The following VCF1 variants were observed in gnomAD, a reference collection of about 807,000 sequenced individuals.
VCF1 encodes the protein VCP nuclear cofactor family member 1.
the VCF1 span, chr17:73,209,869 G>A: frequency 6.8e-7 from 1 of 1,479,458 alleles, no homozygotes; most frequent in Non-Finnish European, 9.0e-7. Flanking sequence ...TACCTTTCCA[G>A]TTCAGCTTGA....
chr17:73,221,518 T>C, the VCF1 span, among the ~76,000 whole-genome samples: 1 of 147,174 alleles, frequency 6.8e-6, no homozygotes, highest in Non-Finnish European at 1.5e-5. Context: ...ATCATTTCAC[T>C]TCTTGCTCAG....
chr17:73,232,103 G>A, the VCF1 span: 1 of 1,608,496 alleles, frequency 6.2e-7, no homozygotes, highest in Non-Finnish European at 8.5e-7. Flanking sequence ...GGAGGCGCTC[G>A]CTCATGGCAG....
chr17:73,227,522 T>C, the VCF1 span: 1 of 704,300 alleles, frequency 1.4e-6, no homozygotes, highest in African/African-American at 1.9e-5. Flanking sequence ...CAATTTTAAA[T>C]GTCTGTTGGG....
the VCF1 span, among the ~76,000 whole-genome samples, chr17:73,225,192 G>A: frequency 6.6e-6 from 1 of 152,188 alleles, no homozygotes; most frequent in Non-Finnish European, 1.5e-5. Context: ...CCTTCCTTCA[G>A]ATAATGATTA....
chr17:73,210,633 G>A, the VCF1 span, among the ~76,000 whole-genome samples: 2 of 152,006 alleles, frequency 1.3e-5, no homozygotes, highest in African/African-American at 4.8e-5. Context: ...GTCTCACTCT[G>A]TTACGCAGGC....
At chr17:73,210,686 G>A in the VCF1 span, among the ~76,000 whole-genome samples, 1 of 151,826 alleles carries the variant, frequency 6.6e-6, no homozygotes, top group Non-Finnish European at 1.5e-5. Flanking sequence ...CAATCTCCTG[G>A]GCTCAAGCAA....
the VCF1 span, among the ~76,000 whole-genome samples, chr17:73,214,424 A>T: frequency 1.3e-5 from 2 of 152,192 alleles, no homozygotes; most frequent in Non-Finnish European, 2.9e-5. Flanking sequence ...TACAAAATAA[A>T]GCATTTCTAT....
At chr17:73,218,162 C>T in the VCF1 span, among the ~76,000 whole-genome samples, 10,246 of 152,142 alleles carry the variant, frequency 0.067, 690 homozygotes, top group African/African-American at 0.17. Context: ...GCCACAGAAT[C>T]TGGATTAAAT....
the VCF1 span, among the ~76,000 whole-genome samples, chr17:73,217,636 G>A: frequency 6.6e-6 from 1 of 151,140 alleles, no homozygotes; most frequent in Non-Finnish European, 1.5e-5. Context: ...GCGACAGAGT[G>A]AGACTCTGCC....
chr17:73,226,116 T>TG, the VCF1 span, among the ~76,000 whole-genome samples: 2 of 151,754 alleles, frequency 1.3e-5, no homozygotes, highest in Admixed American at 6.6e-5. Flanking sequence ...TTGGCCAGGC[T>TG]GGTCTCGAAC....
the VCF1 span, chr17:73,232,285 C>T: frequency 6.3e-7 from 1 of 1,598,258 alleles, no homozygotes. Context: ...CTACTTCCGG[C>T]GTCTGCTCCG....
chr17:73,232,363 G>C, the VCF1 span: 1 of 1,466,284 alleles, frequency 6.8e-7, no homozygotes, highest in East Asian at 2.5e-5. Context: ...CATCCCAACC[G>C]CACCGACTGG....
chr17:73,211,532 C>T, the VCF1 span, among the ~76,000 whole-genome samples: 1 of 149,228 alleles, frequency 6.7e-6, no homozygotes, highest in Admixed American at 6.7e-5. Context: ...CGCGCCATTG[C>T]ACCCAGCCTG....
the VCF1 span, among the ~76,000 whole-genome samples, chr17:73,226,988 G>A: frequency 6.6e-6 from 1 of 152,164 alleles, no homozygotes; most frequent in East Asian, 1.9e-4. Context: ...TGTTTTGCTG[G>A]GGACAGGGTA....
At chr17:73,232,217 A>AGGTG in the VCF1 span, 5 of 1,611,248 alleles carry the variant, frequency 3.1e-6, 1 homozygote, top group Non-Finnish European at 4.2e-6. Context: ...TGGCTCTCGC[A>AGGTG]GCCGCTCGGG....
At chr17:73,221,752 TGGGCC>T in the VCF1 span, among the ~76,000 whole-genome samples, 178 of 152,204 alleles carry the variant, frequency 1.2e-3, no homozygotes, top group African/African-American at 4.0e-3. Flanking sequence ...ACTAGCCAGG[TGGGCC>T]GGGCGCGGTG....
chr17:73,220,717 TTA>T, the VCF1 span, among the ~76,000 whole-genome samples: 1 of 150,950 alleles, frequency 6.6e-6, no homozygotes, highest in African/African-American at 2.5e-5. Context: ...AGTGCTGGGA[TTA>T]TAGACATGGC....
At chr17:73,229,168 C>G in the VCF1 span, 2 of 985,294 alleles carry the variant, frequency 2.0e-6, no homozygotes, top group Non-Finnish European at 2.4e-6. Flanking sequence ...CTCAAGGCAC[C>G]AGAATAATCT....
chr17:73,232,358 C>A, the VCF1 span: 1 of 1,482,766 alleles, frequency 6.7e-7, no homozygotes, highest in South Asian at 1.3e-5. Flanking sequence ...GGCACCATCC[C>A]AACCGCACCG....
Sources: allele counts gnomAD v4.1 joint callset (sites outside exome capture counted in the v4.1 genomes callset), GRCh38; gene constraint gnomAD v4.1.1; transcripts MANE v1.5; gene names NCBI Gene and HGNC (gene_info 2026-07-23, HGNC 2026-07-21).